Variants in RCOR1 observed in about 807,000 individuals in gnomAD.
RCOR1 encodes the protein REST corepressor.
In RCOR1, 12 loss-of-function variants were observed where a neutral mutation model predicts 64.0. The ratio of observed to expected loss-of-function variants is 0.19; its 90% CI spans 0.12 to 0.30. The LOEUF (loss-of-function observed/expected upper bound fraction) is 0.30. Ranked by LOEUF, RCOR1 falls within the 10% of genes least tolerant of loss-of-function variation. RCOR1 has a pLI of 1.00. For synonymous variants in RCOR1, 279 were observed against 227.2 expected (o/e 1.23, Z -2.05); for missense variants, 502 against 621.2 (o/e 0.81, Z 2.04).
chr14:102,682,419 T>C (rs578155003), intron 3 of RCOR1, among the ~76,000 whole-genome samples: 1 of 152,372 alleles, frequency 6.6e-6, no homozygotes, highest in Non-Finnish European at 1.5e-5. Flanking sequence ...TGTGAGCCAC[T>C]GCGCCCTGTG....
chr14:102,662,076 C>CT lies in RCOR1; in HGVS notation c.362-19818dup, dbSNP rs1299739544. Among the ~76,000 whole-genome samples, 10 of 152,252 alleles carry CT rather than the reference C, an allele frequency of 6.6e-5. No homozygotes were observed. The East Asian group carries it at 1.9e-3, about 29-fold the overall frequency. On this transcript the variant is annotated intron_variant, in intron 2 of 11. Coordinates refer to ENST00000262241, the MANE Select transcript of RCOR1 (RefSeq NM_015156.4). ...TGCCCTGCCTATGAGTTGTTATAGACTGGGTGATTTTGTAGTAGGCAGCAG... is the reference window on the plus strand; with the variant it reads ...TGCCCTGCCTATGAGTTGTTATAGACTTGGGTGATTTTGTAGTAGGCAGCAG...
chr14:102,720,714 G>T (rs1896154889), intron 8 of RCOR1, among the ~76,000 whole-genome samples: 1 of 152,180 alleles, frequency 6.6e-6, no homozygotes, highest in Non-Finnish European at 1.5e-5. Context: ...CTCCAGGTAG[G>T]TGTTTTGCTG....
Position 102,706,114 on chromosome 14 carries a change from CAAAAAAAAAA to C in RCOR1, c.499-1218_499-1209del, listed in dbSNP as rs71119732. 2.9e-3 allele frequency among the ~76,000 whole-genome samples: 61 copies of C among 21,336 alleles called. 1 individual carries two copies. Among genetic ancestry groups the C allele is most frequent in the South Asian group, 0.022 (9 of 410 alleles). 14.0% of individuals were successfully genotyped at this position (21,336 alleles called of 152,430 possible). A position where few individuals can be genotyped will look rare whatever the true frequency, so the allele number is the denominator to read the frequency against. ...GGGCAAGGAGAGTGAAACCCTGTCTCAAAAAAAAAAAAAAAAAAAAAAAAAAAACCTAAAA... is the reference window on the plus strand; with the variant it reads ...GGGCAAGGAGAGTGAAACCCTGTCTCAAAAAAAAAAAAAAAAAACCTAAAA... On this transcript the variant is annotated intron_variant, in intron 4 of 11. Transcript: ENST00000262241.
chr14:102,672,281 C>T (rs1027954980), intron 2 of RCOR1, among the ~76,000 whole-genome samples: 7 of 152,064 alleles, frequency 4.6e-5, no homozygotes, highest in East Asian at 1.9e-4. Context: ...GGTGCGATCT[C>T]GGCTCACTGC....
intron 2 of RCOR1, chr14:102,659,290 T>G: frequency 1.0e-6 from 1 of 983,486 alleles, no homozygotes; most frequent in Non-Finnish European, 1.2e-6. Context: ...AAAACAAATG[T>G]CTCATCTGAT....
intron 7 of RCOR1, among the ~76,000 whole-genome samples, chr14:102,712,819 T>G (rs1595242483): frequency 6.6e-6 from 1 of 152,168 alleles, no homozygotes; most frequent in Admixed American, 6.5e-5. Context: ...AAGCTTTGTG[T>G]TGATGTATTG....
intron 4 of RCOR1, among the ~76,000 whole-genome samples, chr14:102,706,683 C>T (rs1042862674): frequency 1.3e-5 from 2 of 151,934 alleles, no homozygotes; most frequent in East Asian, 1.9e-4. Context: ...AGAAATTAGC[C>T]GGGTGTGGTG....
chr14:102,725,563 T>C (rs1025865925), intron 11 of RCOR1, among the ~76,000 whole-genome samples: 1 of 152,062 alleles, frequency 6.6e-6, no homozygotes. Flanking sequence ...ATATGCCCTT[T>C]TCAGGTTTTT....
At chr14:102,595,194 C>T (rs371470487) in intron 2 of RCOR1, among the ~76,000 whole-genome samples, 4 of 152,150 alleles carry the variant, frequency 2.6e-5, no homozygotes, top group African/African-American at 9.7e-5. Context: ...TGCTAGTGAC[C>T]AGCTATTCTA....
chr14:102,626,328 T>G (rs1490229350), intron 2 of RCOR1, among the ~76,000 whole-genome samples: 1 of 152,176 alleles, frequency 6.6e-6, no homozygotes, highest in Non-Finnish European at 1.5e-5. Flanking sequence ...ATACTTTACT[T>G]GAAGTTAGAA....
At chr14:102,621,495 C>G (rs923797460) in intron 2 of RCOR1, among the ~76,000 whole-genome samples, 21 of 151,492 alleles carry the variant, frequency 1.4e-4, no homozygotes, top group African/African-American at 5.1e-4. Context: ...CCCACCTTGG[C>G]CTCCAAAGTG....
At chr14:102,598,673 C>T (rs967193657) in intron 2 of RCOR1, among the ~76,000 whole-genome samples, 1 of 152,056 alleles carries the variant, frequency 6.6e-6, no homozygotes, top group Non-Finnish European at 1.5e-5. Context: ...TGGTCTCAAT[C>T]TCCTGACCTC....
intron 2 of RCOR1, among the ~76,000 whole-genome samples, chr14:102,669,649 C>G (rs148072996): frequency 1.0e-3 from 157 of 152,294 alleles, no homozygotes; most frequent in African/African-American, 3.5e-3. Flanking sequence ...CTTCATCTCT[C>G]TGTGCTTTAA....
chr14:102,677,199 G>A (rs1386482667), intron 2 of RCOR1, among the ~76,000 whole-genome samples: 2 of 138,714 alleles, frequency 1.4e-5, no homozygotes, highest in Non-Finnish European at 3.2e-5. Context: ...GCGGCTGGCC[G>A]GGCAGGGGGC....
At chr14:102,612,260 G>A (rs1301579249) in intron 2 of RCOR1, among the ~76,000 whole-genome samples, 2 of 152,046 alleles carry the variant, frequency 1.3e-5, no homozygotes, top group East Asian at 1.9e-4. Context: ...AGCCTCAAGC[G>A]GTCCCCTCTT....
In RCOR1 at chr14:102,665,053, C is replaced by T. The variant is rs1002196685; in HGVS notation, c.362-16842C>T. Among the ~76,000 whole-genome samples the T allele has an allele frequency of 1.8e-4, 27 of 152,118 alleles. 1 individual carries two copies. The Middle Eastern group carries it at 0.01, about 57-fold the overall frequency. On this transcript the variant is annotated intron_variant, in intron 2 of 11. Transcript: ENST00000262241. ...GAGACAGAGTTTTGCTCTTGTTGCC[C>T]GGGCTGGAATGCAGTGGCGCAATCT...
intron 2 of RCOR1, among the ~76,000 whole-genome samples, chr14:102,636,377 A>G (rs1752314026): frequency 6.6e-6 from 1 of 151,776 alleles, no homozygotes; most frequent in East Asian, 1.9e-4. Flanking sequence ...TCCTGGGTTC[A>G]AGCGATTCTC....
At chr14:102,617,191 A>G (rs1277776706) in intron 2 of RCOR1, among the ~76,000 whole-genome samples, 1 of 152,216 alleles carries the variant, frequency 6.6e-6, no homozygotes, top group Non-Finnish European at 1.5e-5. Context: ...AAATGCATGC[A>G]GTTTTTTACC....
rs146922724 is a variant in RCOR1 at position 102,707,232 on chromosome 14, G to A, written c.499-119G>A. Reference sequence around the variant, plus strand: ...CCTCTGACAGTGTCTGCCACTTAGCGCTGTAGATGAGTTAGTTTGTCTAAA... The same window carrying A: ...CCTCTGACAGTGTCTGCCACTTAGCACTGTAGATGAGTTAGTTTGTCTAAA... On this transcript the variant is annotated intron_variant, in intron 4 of 11. Coordinates refer to ENST00000262241, the MANE Select transcript of RCOR1 (RefSeq NM_015156.4). The A allele has an allele frequency of 3.1e-3, 2,304 of 750,208 alleles. 17 individuals are homozygous for A. The highest frequency in any genetic ancestry group is 0.019 in the African/African-American group (1,074 of 55,980). 46.5% of individuals were successfully genotyped at this position (750,208 alleles called of 1,614,324 possible).
Sources: gnomAD v4.1 joint callset for allele counts (sites outside exome capture counted in the v4.1 genomes callset) on GRCh38, gnomAD v4.1.1 for gene constraint, MANE v1.5 for transcripts, NCBI Gene and HGNC (gene_info 2026-07-23, HGNC 2026-07-21) for gene names.